DMGDH: variants seen among roughly 807,000 people sequenced by gnomAD.
DMGDH encodes the protein dimethylglycine dehydrogenase, mitochondrial.
A neutral mutation model predicts 95.2 loss-of-function variants in DMGDH; 76 were observed. That is an observed-to-expected ratio of 0.80 (90% CI 0.66 to 0.97). The LOEUF (loss-of-function observed/expected upper bound fraction) is 0.97, where lower values mean the gene tolerates loss of function less well. Ranked by LOEUF, DMGDH falls within the 50% of genes least tolerant of loss-of-function variation. The pLI, the probability that DMGDH is intolerant of heterozygous loss-of-function variation, is 0.00. For synonymous variants in DMGDH, 345 were observed against 377.6 expected, an observed-to-expected ratio of 0.91 and a Z score of 1.00; for missense variants, 987 against 1,055.0, an observed-to-expected ratio of 0.94 and a Z score of 0.89.
intron 14 of DMGDH, among the ~76,000 whole-genome samples, chr5:79,017,101 CAT>C (rs1753747830): frequency 2.0e-5 from 3 of 151,738 alleles, no homozygotes; most frequent in Admixed American, 1.3e-4. Context: ...TAGAAGAAAA[CAT>C]AGCAGAAAAT....
intron 10 of DMGDH, 72 bp downstream of exon 10, chr5:79,030,761 T>TA (rs1343529921): frequency 4.6e-6 from 7 of 1,536,834 alleles, no homozygotes; most frequent in Non-Finnish European, 6.3e-6. Flanking sequence ...TTAGGTGAAC[T>TA]AAAATAACAT....
chr5:79,030,872 A>G lies in DMGDH; in HGVS notation c.1644T>C (p.Ile548=). ...GKFNIKGQDS[I]RLLDHLFANV... ...TTGCAAAGAGATGGTCCAGTAGTCT[A>G]ATGGAATCTTGGCCTTTGATGTTAA... The change falls in exon 10 of 16, where the codon ATT becomes ATC. Residue 548 remains isoleucine (I), a synonymous_variant. Coordinates refer to ENST00000255189, the MANE Select transcript of DMGDH (RefSeq NM_013391.3). 1 of 1,614,130 alleles carries G rather than the reference A, an allele frequency of 6.2e-7. No homozygotes were observed. The highest frequency in any genetic ancestry group is 8.5e-7 in the Non-Finnish European group (1 of 1,180,018).
At position 79,068,081 on chromosome 5, in the gene DMGDH, T is replaced by C. The variant is rs111797669; in HGVS notation, c.101+1439A>G. Among the ~76,000 whole-genome samples the C allele has an allele frequency of 7.6e-3, 1,156 of 152,192 alleles. 10 individuals are homozygous for C. The highest frequency in any genetic ancestry group is 0.026 in the African/African-American group (1,084 of 41,532). ...TACAGGTGCACACCATGACACCCAG[T>C]TAATTTTTGCATTTTTATTAGAGAC... is the stretch of plus-strand genomic sequence containing the variant. On this transcript the variant is annotated intron_variant, in intron 1 of 15. Coordinates refer to ENST00000255189, the MANE Select transcript of DMGDH (RefSeq NM_013391.3).
chr5:79,007,283 C>G (rs1158974534), intron 14 of DMGDH, among the ~76,000 whole-genome samples: 1 of 152,146 alleles, frequency 6.6e-6, no homozygotes, highest in Non-Finnish European at 1.5e-5. Context: ...GGTCCACTTA[C>G]ATGTGGATTT....
At chr5:79,058,995 T>A (rs958094701) in intron 2 of DMGDH, among the ~76,000 whole-genome samples, 1 of 152,242 alleles carries the variant, frequency 6.6e-6, no homozygotes, top group Non-Finnish European at 1.5e-5. Flanking sequence ...CTTTCACTCA[T>A]ACATTTACAC....
chr5:79,001,483 A>G (rs1464289034), intron 15 of DMGDH, among the ~76,000 whole-genome samples: 1 of 152,100 alleles, frequency 6.6e-6, no homozygotes, highest in Non-Finnish European at 1.5e-5. Context: ...TTTTTGAAAG[A>G]CTTTCTTGAT....
chr5:79,032,982 A>T, intron 8 of DMGDH, 142 bp from the exon 9 acceptor site: 1 of 1,137,668 alleles, frequency 8.8e-7, no homozygotes, highest in Non-Finnish European at 1.3e-6. Context: ...TGATTCATGT[A>T]GAAAACAGAG....
At chr5:78,999,307 G>A (rs1753412883) in intron 15 of DMGDH, among the ~76,000 whole-genome samples, 1 of 152,048 alleles carries the variant, frequency 6.6e-6, no homozygotes, top group South Asian at 2.1e-4. Context: ...CAAATCAGAA[G>A]CTCTCCATAT....
Position 79,042,267 on chromosome 5 carries a change from A to G in DMGDH, c.1193+16T>C. On this transcript the variant is annotated intron_variant, in intron 7 of 15. Transcript: ENST00000255189. ...GTGATTCTACAATAAATGTTGAATT[A>G]CATGAAGATACTTACCCAAAGCCTA... 6.2e-7 allele frequency: 1 copy of G among 1,609,696 alleles called. No homozygotes were observed. Among genetic ancestry groups the G allele is most frequent in the East Asian group, 2.2e-5 (1 of 44,864 alleles).
In DMGDH at chr5:79,031,014, T is replaced by C. The variant is rs116060294; in HGVS notation, c.1518-16A>G. ...AAAACTTGGCCTGAAACACAACATT[T>C]AGTGTCATAAAACAACTCCCGTTCA... On this transcript the variant is annotated splice_polypyrimidine_tract_variant and intron_variant, in intron 9 of 15. Transcript: ENST00000255189. The C allele has an allele frequency of 6.2e-7, 1 of 1,613,984 alleles. No individual in the cohort carries two copies. Among genetic ancestry groups the C allele is most frequent in the Non-Finnish European group, 8.5e-7 (1 of 1,180,010 alleles).
At position 79,031,877 on chromosome 5, in the gene DMGDH, G is replaced by C. The variant is rs527451448; in HGVS notation, c.1517+810C>G. ...GAGTAATTTAGGAAAAACCAAATCA[G>C]TATTTGGCCACCAAATAATCTAGAT... On this transcript the variant is annotated intron_variant, in intron 9 of 15. Transcript: ENST00000255189. 2.6e-5 allele frequency among the ~76,000 whole-genome samples: 4 copies of C among 152,290 alleles called. No individual in the cohort carries two copies. In the East Asian group the frequency reaches 7.7e-4, roughly 29 times the overall value.
intron 2 of DMGDH, among the ~76,000 whole-genome samples, chr5:79,057,414 C>A (rs1256422543): frequency 6.6e-6 from 1 of 152,148 alleles, no homozygotes; most frequent in African/African-American, 2.4e-5. Context: ...ATTTCATCCT[C>A]CTGCACTCAA....
At chr5:79,021,154 G>C (rs1177025362) in intron 14 of DMGDH, 1 of 987,482 alleles carries the variant, frequency 1.0e-6, no homozygotes, top group South Asian at 4.7e-5. Flanking sequence ...CCGCAGCTTT[G>C]GTCAAGGCTT....
chr5:79,033,747 A>C lies in DMGDH; in HGVS notation c.1194-339T>G, dbSNP rs1323529775. On this transcript the variant is annotated intron_variant, in intron 7 of 15. Coordinates refer to ENST00000255189, the MANE Select transcript of DMGDH (RefSeq NM_013391.3). ...GGAGTTCGAGAACGGCCTGGCCAAC[A>C]AAGTGAGAACTCATCGCTACAAAAA... Among the ~76,000 whole-genome samples the C allele has an allele frequency of 5.3e-5, 8 of 152,192 alleles. No individual in the cohort carries two copies. In the East Asian group the frequency reaches 1.5e-3, roughly 29 times the overall value.
At chr5:79,039,647 T>G (rs1242208388) in intron 7 of DMGDH, among the ~76,000 whole-genome samples, 4 of 152,022 alleles carry the variant, frequency 2.6e-5, no homozygotes, top group Non-Finnish European at 5.9e-5. Flanking sequence ...GCAAGGCACA[T>G]GTATACATAT....
chr5:79,003,244 A>C (rs1177910063), intron 15 of DMGDH, among the ~76,000 whole-genome samples: 1 of 152,186 alleles, frequency 6.6e-6, no homozygotes, highest in Non-Finnish European at 1.5e-5. Flanking sequence ...GTGGGAGGAA[A>C]TGTAGTGACA....
chr5:79,045,269 C>T (rs750233897), intron 5 of DMGDH, among the ~76,000 whole-genome samples: 6 of 152,208 alleles, frequency 3.9e-5, no homozygotes, highest in Non-Finnish European at 5.9e-5. Flanking sequence ...GGAGATTGGT[C>T]TCATAAGTAG....
intron 12 of DMGDH, among the ~76,000 whole-genome samples, chr5:79,027,419 A>T (rs1754033046): frequency 6.6e-6 from 1 of 152,210 alleles, no homozygotes; most frequent in African/African-American, 2.4e-5. Context: ...TATGGTCTTT[A>T]ATCTCTGTGT....
chr5:79,002,686 T>C (rs947332073), intron 15 of DMGDH, among the ~76,000 whole-genome samples: 1 of 152,166 alleles, frequency 6.6e-6, no homozygotes, highest in Non-Finnish European at 1.5e-5. Flanking sequence ...TTGGAAATGC[T>C]TGCAAGAATA....
Sources: gnomAD v4.1 joint callset for allele counts (sites outside exome capture counted in the v4.1 genomes callset) on GRCh38, gnomAD v4.1.1 for gene constraint, MANE v1.5 for transcripts, NCBI Gene and HGNC (gene_info 2026-07-23, HGNC 2026-07-21) for gene names.